PDCD1LG2: variants seen among roughly 807,000 people sequenced by gnomAD.
PDCD1LG2 encodes the protein programmed cell death 1 ligand 2, also known as B7 dendritic cell molecule.
A neutral mutation model predicts 28.2 loss-of-function variants in PDCD1LG2; 32 were observed. The ratio of observed to expected loss-of-function variants is 1.13; its 90% CI spans 0.86 to 1.52. The LOEUF (loss-of-function observed/expected upper bound fraction) is 1.52. PDCD1LG2 is among the 40% of genes most tolerant of loss of function. The pLI is 0.00. For missense variants in PDCD1LG2, 385 were observed against 323.8 expected (o/e 1.19, Z -1.45); for synonymous variants, 116 against 120.2 (o/e 0.97, Z 0.23).
At chr9:5,549,670 C>G (rs779760851) in intron 4 of PDCD1LG2, 66 bp downstream of exon 4, 3 of 1,574,610 alleles carry the variant, frequency 1.9e-6, no homozygotes, top group African/African-American at 2.7e-5. Flanking sequence ...ATGGCATACT[C>G]GAGTGATTTG....
chr9:5,557,652 G>A lies in PDCD1LG2; in HGVS notation c.666G>A (p.Leu222=), dbSNP rs893278639. 12 of 1,613,872 alleles carry A rather than the reference G, an allele frequency of 7.4e-6. No individual in the cohort carries two copies. The highest frequency in any genetic ancestry group is 3.3e-4 in the Middle Eastern group (2 of 6,080). The change falls in exon 5 of 7, where the codon CTG becomes CTA. Residue 222 remains leucine, a synonymous_variant. Coordinates refer to ENST00000397747, the MANE Select transcript of PDCD1LG2 (RefSeq NM_025239.4). ...QMEPRTHPTW[L]LHIFIPFCII... Reference sequence around the variant, plus strand: ...AACCCAGGACCCATCCAACTTGGCTGCTTCACATTTTCATCCCCTTCTGCA... The same window carrying A: ...AACCCAGGACCCATCCAACTTGGCTACTTCACATTTTCATCCCCTTCTGCA...
chr9:5,531,811 C>T (rs1563824677), intron 2 of PDCD1LG2, among the ~76,000 whole-genome samples: 1 of 152,144 alleles, frequency 6.6e-6, no homozygotes, highest in Non-Finnish European at 1.5e-5. Flanking sequence ...CATTTTCTTC[C>T]CTGTTTCCTG....
chr9:5,564,118 C>T (rs1298682569), intron 6 of PDCD1LG2, among the ~76,000 whole-genome samples: 1 of 152,170 alleles, frequency 6.6e-6, no homozygotes, highest in Non-Finnish European at 1.5e-5. Flanking sequence ...ATTTGTCATT[C>T]CTGCATGAGC....
At chr9:5,532,871 T>C (rs4742104) in intron 2 of PDCD1LG2, among the ~76,000 whole-genome samples, 27,111 of 152,166 alleles carry the variant, frequency 0.18, 2,815 homozygotes, top group East Asian at 0.43. Context: ...ACTTCACATG[T>C]AACACCTCGT....
At chr9:5,551,758 A>C (rs576288123) in intron 4 of PDCD1LG2, among the ~76,000 whole-genome samples, 1 of 152,332 alleles carries the variant, frequency 6.6e-6, no homozygotes, top group East Asian at 1.9e-4. Flanking sequence ...GCTGAAGTGA[A>C]AGGTGAGGCT....
chr9:5,540,034 A>G (rs577738727), intron 3 of PDCD1LG2, among the ~76,000 whole-genome samples: 1 of 152,366 alleles, frequency 6.6e-6, no homozygotes, highest in Non-Finnish European at 1.5e-5. Flanking sequence ...TCAAAATTAT[A>G]TCAAGTACTC....
At chr9:5,519,551 G>A (rs974581951) in intron 1 of PDCD1LG2, among the ~76,000 whole-genome samples, 1 of 152,122 alleles carries the variant, frequency 6.6e-6, no homozygotes, top group Non-Finnish European at 1.5e-5. Flanking sequence ...ATCTATAAAT[G>A]TTGGAATACC....
intron 3 of PDCD1LG2, among the ~76,000 whole-genome samples, chr9:5,538,810 C>A (rs1455719462): frequency 1.3e-5 from 2 of 151,422 alleles, no homozygotes; most frequent in Non-Finnish European, 2.9e-5. Context: ...CTTTTGAGAT[C>A]ATTTTTTTGG....
chr9:5,525,041 T>A (rs995817659), intron 2 of PDCD1LG2, among the ~76,000 whole-genome samples: 3 of 152,220 alleles, frequency 2.0e-5, no homozygotes, highest in African/African-American at 7.2e-5. Flanking sequence ...TTCTTTTCTA[T>A]TTTTAAATTT....
intron 2 of PDCD1LG2, among the ~76,000 whole-genome samples, chr9:5,531,460 T>C (rs1295361117): frequency 6.6e-6 from 1 of 152,200 alleles, no homozygotes; most frequent in African/African-American, 2.4e-5. Context: ...GATTCATGTT[T>C]GCTAATTGCT....
intron 3 of PDCD1LG2, among the ~76,000 whole-genome samples, chr9:5,541,839 A>C (rs914141306): frequency 6.6e-6 from 1 of 152,188 alleles, no homozygotes; most frequent in Non-Finnish European, 1.5e-5. Context: ...CCTAAAATTC[A>C]TATGGAACCA....
At chr9:5,536,928 G>T (rs574323096) in intron 3 of PDCD1LG2, among the ~76,000 whole-genome samples, 113 of 152,182 alleles carry the variant, frequency 7.4e-4, no homozygotes, top group Non-Finnish European at 1.4e-3. Context: ...CCTCTTTTAA[G>T]CCTACCACTC....
intron 3 of PDCD1LG2, among the ~76,000 whole-genome samples, chr9:5,536,226 G>A (rs775474707): frequency 3.3e-5 from 5 of 152,152 alleles, no homozygotes; most frequent in African/African-American, 1.2e-4. Flanking sequence ...TGTAGAAGAC[G>A]AACAATAGTA....
In PDCD1LG2 at chr9:5,534,352, G is replaced by C. The variant is rs1820538121; in HGVS notation, c.56-393G>C. Among the ~76,000 whole-genome samples, 3 of 152,176 alleles carry C rather than the reference G, an allele frequency of 2.0e-5. 1 individual carries two copies. In the South Asian group the frequency reaches 6.2e-4, roughly 32 times the overall value. ...GAGCTCAGACCTTGATGGTAGGGAA[G>C]TCGAAAGGAAGCATTTTGTTCTTAT... On this transcript the variant is annotated intron_variant, in intron 2 of 6. Transcript: ENST00000397747.
chr9:5,535,816 C>T (rs561019630), intron 3 of PDCD1LG2, among the ~76,000 whole-genome samples: 5 of 152,238 alleles, frequency 3.3e-5, no homozygotes, highest in South Asian at 4.1e-4. Context: ...TCTCTCCACT[C>T]CAGCACAATT....
At chr9:5,545,916 G>T (rs906021835) in intron 3 of PDCD1LG2, among the ~76,000 whole-genome samples, 2 of 152,140 alleles carry the variant, frequency 1.3e-5, no homozygotes, top group African/African-American at 4.8e-5. Context: ...CAGATGACTT[G>T]AATTTTTGGA....
chr9:5,563,319 C>A, intron 6 of PDCD1LG2, 108 bp downstream of exon 6: 2 of 934,282 alleles, frequency 2.1e-6, no homozygotes, highest in South Asian at 1.6e-5. Flanking sequence ...CTGAATAGTT[C>A]CAGCTTATAG....
intron 4 of PDCD1LG2, 118 bp from the exon 5 acceptor site, chr9:5,557,500 G>A (rs1314102733): frequency 5.9e-6 from 7 of 1,176,786 alleles, no homozygotes; most frequent in Non-Finnish European, 8.7e-6. Flanking sequence ...AGGGCCTGGT[G>A]TGGAGTAAAT....
rs1199808843 is a variant in PDCD1LG2, at chr9:5,515,938, A to AAG, written c.-15+5136_-15+5137insGA. ...ACTCCATCTCAAAAAAAAAAAAAAA[A>AAG]AAAAAAAAAAAGAAAAGAAAGAAAG... On this transcript the variant is annotated intron_variant, in intron 1 of 6. Transcript: ENST00000397747. Among the ~76,000 whole-genome samples, 20 of 149,282 alleles carry AAG rather than the reference A, an allele frequency of 1.3e-4. 1 individual carries two copies. Among genetic ancestry groups the AAG allele is most frequent in the Non-Finnish European group, 2.6e-4 (17 of 66,666 alleles).
Sources: allele counts gnomAD v4.1 joint callset (sites outside exome capture counted in the v4.1 genomes callset), GRCh38; gene constraint gnomAD v4.1.1; transcripts MANE v1.5; gene names NCBI Gene and HGNC (gene_info 2026-07-23, HGNC 2026-07-21).